The following ABAT variants were observed in gnomAD, a reference collection of about 807,000 sequenced individuals.
The protein encoded by ABAT is 4-aminobutyrate aminotransferase.
ABAT carries 45 observed loss-of-function variants against 64.6 expected under a neutral mutation model. The observed-to-expected ratio is 0.70, with a 90% CI of 0.55 to 0.89. ABAT has a LOEUF of 0.89. ABAT is among the 40% of genes least tolerant of loss of function. The pLI is 0.00. For missense variants in ABAT, 633 were observed against 658.4 expected (o/e 0.96, Z 0.42); for synonymous variants, 297 against 250.5 (o/e 1.19, Z -1.75).
chr16:8,698,353 G>A (rs1297015561), intron 1 of ABAT, among the ~76,000 whole-genome samples: 1 of 150,440 alleles, frequency 6.6e-6, no homozygotes, highest in African/African-American at 2.4e-5. Context: ...TTTTCTTTGA[G>A]ACGGAGTTCC....
rs972283412 is a variant in ABAT at position 8,764,673 on chromosome 16, C to A, written c.448-65C>A. ...GGCCCCTGCGAAGATTCAGCTCCAG[C>A]CAGGGGAAGCGGGAGGACAGGAGTC... On this transcript the variant is annotated intron_variant, in intron 7 of 15. Coordinates refer to ENST00000268251, the MANE Select transcript of ABAT (RefSeq NM_020686.6). The surrounding 1 kb of genome is among the most constrained non-coding windows in gnomAD (Gnocchi z 4.2). 3 of 1,461,182 alleles carry A rather than the reference C, an allele frequency of 2.1e-6. No homozygotes were observed. The South Asian group carries it at 3.4e-5, about 17-fold the overall frequency. 90.5% of individuals were successfully genotyped at this position (1,461,182 alleles called of 1,614,324 possible).
chr16:8,690,360 G>T (rs2057551895), intron 1 of ABAT, among the ~76,000 whole-genome samples: 1 of 152,208 alleles, frequency 6.6e-6, no homozygotes, highest in African/African-American at 2.4e-5. Flanking sequence ...ACCCGTGGAG[G>T]CATGATTCCT....
rs1333140382 is a variant in ABAT at position 8,735,751 on chromosome 16, G to T, written c.12G>T (p.Met4Ile). 2 of 1,605,686 alleles carry T rather than the reference G, an allele frequency of 1.2e-6. No homozygotes were observed. Among genetic ancestry groups the T allele is most frequent in the South Asian group, 1.1e-5 (1 of 89,182 alleles). The part of the protein sequence containing the change: MAS[M>I]LLAQRLACSF... Reference sequence around the variant, plus strand: ...TCCCTCAAGGGGTCATGGCCTCCATGTTGCTCGCCCAGCGCCTGGCCTGCA... The same window carrying T: ...TCCCTCAAGGGGTCATGGCCTCCATTTTGCTCGCCCAGCGCCTGGCCTGCA... Residue 4 changes from methionine (M) to isoleucine (I), a missense_variant, in exon 2 of 16, where the codon ATG (methionine) becomes ATT (isoleucine). By Grantham distance (10) the Met-to-Ile change is conservative (BLOSUM62 1). Coordinates refer to ENST00000268251, the MANE Select transcript of ABAT (RefSeq NM_020686.6).
chr16:8,681,983 G>A (rs981597252), intron 1 of ABAT, among the ~76,000 whole-genome samples: 2 of 151,980 alleles, frequency 1.3e-5, no homozygotes, highest in East Asian at 1.9e-4. Context: ...GTCCTGTGCC[G>A]GATGTTTAGC....
chr16:8,760,936 A>C (rs1344576551), intron 6 of ABAT, among the ~76,000 whole-genome samples: 1 of 152,038 alleles, frequency 6.6e-6, no homozygotes, highest in Non-Finnish European at 1.5e-5. Context: ...AAAATTAGCC[A>C]GGTGTGGTGG....
chr16:8,677,051 C>G (rs1301229246), intron 1 of ABAT, among the ~76,000 whole-genome samples: 3 of 152,298 alleles, frequency 2.0e-5, no homozygotes, highest in South Asian at 2.1e-4. Flanking sequence ...ATGAGGAGGA[C>G]CACGGTAGAG....
intron 6 of ABAT, among the ~76,000 whole-genome samples, chr16:8,761,239 G>A (rs1484093430): frequency 7.0e-6 from 1 of 143,126 alleles, no homozygotes; most frequent in Non-Finnish European, 1.5e-5. Context: ...GTCAGGGACT[G>A]GTCCTAACCC....
intron 1 of ABAT, among the ~76,000 whole-genome samples, chr16:8,691,721 G>A (rs1421962664): frequency 6.6e-6 from 1 of 152,140 alleles, no homozygotes; most frequent in Non-Finnish European, 1.5e-5. Flanking sequence ...GATTACAGGT[G>A]TGAGCCACCG....
intron 1 of ABAT, among the ~76,000 whole-genome samples, chr16:8,732,573 G>C (rs902594033): frequency 1.3e-5 from 2 of 151,704 alleles, no homozygotes; most frequent in African/African-American, 4.9e-5. Flanking sequence ...CAAGGCAGAA[G>C]AAGTTTTCTT....
chr16:8,776,351 G>C lies in ABAT; in HGVS notation c.1130G>C (p.Arg377Pro). ...ACCCGTTCCTCATTCCAGCCCTACC[G>C]GATCTTCAACACCTGGCTGGGGGAC... ...KEEFRPNAPY[R>P]IFNTWLGDPS... The change falls in exon 14 of 16, where the codon CGG becomes CCG. Residue 377 changes from arginine to proline, a missense_variant. Physicochemically the swap from Arg to Pro is moderately radical, Grantham distance 103. Coordinates refer to ENST00000268251, the MANE Select transcript of ABAT (RefSeq NM_020686.6). The surrounding 1 kb of genome is among the most constrained non-coding windows in gnomAD (Gnocchi z 4.4). 1 of 1,614,168 alleles carries C rather than the reference G, an allele frequency of 6.2e-7. No homozygotes were observed. The highest frequency in any genetic ancestry group is 8.5e-7 in the Non-Finnish European group (1 of 1,180,038).
chr16:8,715,098 G>C (rs114755393), intron 1 of ABAT: 1 of 152,192 alleles, frequency 6.6e-6, no homozygotes, highest in African/African-American at 2.4e-5. Context: ...ATGTCCAACC[G>C]ACCTCTTTCT....
intron 2 of ABAT, among the ~76,000 whole-genome samples, chr16:8,744,314 C>T (rs868699716): frequency 6.6e-6 from 1 of 151,952 alleles, no homozygotes; most frequent in Admixed American, 6.6e-5. Flanking sequence ...AAAGGGCAAG[C>T]GAGGTGCCTC....
chr16:8,750,974 A>T (rs1238960952), intron 5 of ABAT, among the ~76,000 whole-genome samples: 1 of 139,778 alleles, frequency 7.2e-6, no homozygotes, highest in Non-Finnish European at 1.5e-5. Context: ...TTCCAGACGA[A>T]GTCTTGTTCT....
chr16:8,740,037 A>G (rs976989190), intron 2 of ABAT, among the ~76,000 whole-genome samples: 2 of 152,028 alleles, frequency 1.3e-5, no homozygotes, highest in Non-Finnish European at 2.9e-5. Context: ...GAAGGATTAA[A>G]AAATGATAGG....
chr16:8,730,019 T>C (rs2058673844), intron 1 of ABAT, among the ~76,000 whole-genome samples: 2 of 152,024 alleles, frequency 1.3e-5, no homozygotes, highest in African/African-American at 2.4e-5. Context: ...CAGAAGATAC[T>C]TCCTGCACCA....
At chr16:8,726,619 T>C (rs1441819946) in intron 1 of ABAT, among the ~76,000 whole-genome samples, 4 of 152,228 alleles carry the variant, frequency 2.6e-5, no homozygotes, top group Non-Finnish European at 5.9e-5. Context: ...TGCTTCCAAA[T>C]CTTAGCTATT....
chr16:8,758,395 G>C (rs1475850197), intron 6 of ABAT, among the ~76,000 whole-genome samples: 1 of 152,188 alleles, frequency 6.6e-6, no homozygotes, highest in Non-Finnish European at 1.5e-5. Flanking sequence ...CAGGCCACGA[G>C]TCGGGAGGAA....
chr16:8,750,437 C>T lies in ABAT; in HGVS notation c.214C>T (p.His72Tyr). The stretch of plus-strand genomic sequence containing the variant: ...TTTCTCCAAGAATGCAGAGGCTGTG[C>T]ATTTTTTCTGCAATTACGAAGAGAG... ...LNIIQNAEAV[H>Y]FFCNYEESRG... The change falls in exon 5 of 16, where the codon CAT becomes TAT. Residue 72 changes from histidine (H) to tyrosine (Y), a missense_variant. Coordinates refer to ENST00000268251, the MANE Select transcript of ABAT (RefSeq NM_020686.6). 1.2e-6 allele frequency: 2 copies of T among 1,614,080 alleles called. No individual in the cohort carries two copies. The highest frequency in any genetic ancestry group is 2.2e-5 in the East Asian group (1 of 44,866).
chr16:8,771,942 G>A (rs1408009829), intron 11 of ABAT, among the ~76,000 whole-genome samples: 1 of 151,906 alleles, frequency 6.6e-6, no homozygotes. Flanking sequence ...ATTTCTAAAT[G>A]TTTTGCAGAC....
Sources: allele counts gnomAD v4.1 joint callset (sites outside exome capture counted in the v4.1 genomes callset), GRCh38; gene constraint gnomAD v4.1.1; non-coding constraint Gnocchi (gnomAD v3.1); transcripts MANE v1.5; gene names NCBI Gene and HGNC (gene_info 2026-07-23, HGNC 2026-07-21).